CTNNA2: variants seen among roughly 807,000 people sequenced by gnomAD.
CTNNA2 encodes catenin alpha-2.
Under a neutral mutation model 101.0 loss-of-function variants are expected in CTNNA2, and 42 were observed. The ratio of observed to expected loss-of-function variants is 0.42; its 90% CI spans 0.32 to 0.54. The LOEUF is 0.54. CTNNA2 is among the 20% of genes least tolerant of loss of function. CTNNA2 has a pLI of 0.14. For missense variants in CTNNA2, 871 were observed against 1,223.1 expected (o/e 0.71, Z 4.29); for synonymous variants, 450 against 456.4 (o/e 0.99, Z 0.18).
intron 2 of CTNNA2, among the ~76,000 whole-genome samples, chr2:79,665,338 CATGT>C (rs1430238980): frequency 1.3e-5 from 2 of 152,152 alleles, no homozygotes; most frequent in African/African-American, 2.4e-5. Flanking sequence ...TTGAAATGTG[CATGT>C]ATGTGCATGT....
intron 7 of CTNNA2, among the ~76,000 whole-genome samples, chr2:80,349,799 A>C (rs896851728): frequency 6.6e-6 from 1 of 152,092 alleles, no homozygotes; most frequent in African/African-American, 2.4e-5. Flanking sequence ...GCATTCAGGC[A>C]TGAGCCACCA....
At chr2:80,400,712 C>T (rs1678472035) in intron 8 of CTNNA2, among the ~76,000 whole-genome samples, 1 of 152,168 alleles carries the variant, frequency 6.6e-6, no homozygotes, top group Non-Finnish European at 1.5e-5. Context: ...TTCCTTAAAT[C>T]TCCGTCAGTC....
chr2:79,629,097 T>G (rs550430979), intron 1 of CTNNA2, among the ~76,000 whole-genome samples: 25 of 152,296 alleles, frequency 1.6e-4, no homozygotes, highest in African/African-American at 5.8e-4. Context: ...TTCCGTCCCT[T>G]CCCCTTATTG....
intron 7 of CTNNA2, among the ~76,000 whole-genome samples, chr2:80,239,911 T>A (rs1394084652): frequency 7.5e-6 from 1 of 133,982 alleles, no homozygotes; most frequent in East Asian, 2.0e-4. Flanking sequence ...AGACTCCATC[T>A]CAAAAAAAAA....
intron 4 of CTNNA2, among the ~76,000 whole-genome samples, chr2:79,477,492 C>T (rs1351280216): frequency 6.6e-6 from 1 of 152,100 alleles, no homozygotes; most frequent in African/African-American, 2.4e-5. Flanking sequence ...CTCTAACTCC[C>T]TTCTTTACCT....
intron 8 of CTNNA2, among the ~76,000 whole-genome samples, chr2:80,407,240 T>C (rs1363588279): frequency 6.6e-6 from 1 of 152,208 alleles, no homozygotes; most frequent in Non-Finnish European, 1.5e-5. Flanking sequence ...TGGGGGCTCT[T>C]AGAGGCCACA....
chr2:80,404,661 G>A (rs746244323), intron 8 of CTNNA2, among the ~76,000 whole-genome samples: 15 of 152,270 alleles, frequency 9.9e-5, no homozygotes, highest in South Asian at 2.1e-4. Context: ...TTCAGAAATC[G>A]TGGGTTCGTA....
intron 7 of CTNNA2, among the ~76,000 whole-genome samples, chr2:80,139,310 G>T (rs1363053188): frequency 6.6e-6 from 1 of 152,094 alleles, no homozygotes; most frequent in Non-Finnish European, 1.5e-5. Context: ...GCCACCTGAT[G>T]AAAAATGACC....
intron 7 of CTNNA2, among the ~76,000 whole-genome samples, chr2:80,381,472 A>C (rs1397448953): frequency 6.6e-6 from 1 of 152,136 alleles, no homozygotes; most frequent in Non-Finnish European, 1.5e-5. Flanking sequence ...CAGTGCTGGC[A>C]TTTTGGAGGG....
At chr2:79,276,853 G>T (rs762220354) in intron 2 of CTNNA2, among the ~76,000 whole-genome samples, 1 of 152,022 alleles carries the variant, frequency 6.6e-6, no homozygotes, top group South Asian at 2.1e-4. Context: ...GATAAGAAAG[G>T]TTTTCCATTT....
intron 4 of CTNNA2, among the ~76,000 whole-genome samples, chr2:79,494,858 T>C (rs150540796): frequency 0.01 from 1,579 of 152,046 alleles, 22 homozygotes; most frequent in South Asian, 0.064. Context: ...CGTCTGTAAT[T>C]CCAGCACTTT....
At chr2:79,417,724 T>C (rs1266334471) in intron 4 of CTNNA2, among the ~76,000 whole-genome samples, 1 of 152,116 alleles carries the variant, frequency 6.6e-6, no homozygotes, top group Non-Finnish European at 1.5e-5. Flanking sequence ...AATTATTTCA[T>C]AAGTGTGGAT....
intron 3 of CTNNA2, among the ~76,000 whole-genome samples, chr2:79,796,796 T>C (rs1196263246): frequency 6.6e-6 from 1 of 152,200 alleles, no homozygotes; most frequent in Non-Finnish European, 1.5e-5. Context: ...TGCAGATTTT[T>C]CCCTGTCCAT....
chr2:80,511,851 G>A (rs1012996252), intron 9 of CTNNA2, among the ~76,000 whole-genome samples: 9 of 151,938 alleles, frequency 5.9e-5, no homozygotes, highest in African/African-American at 1.9e-4. Context: ...AAATCACTTC[G>A]TTAAAAGTAT....
chr2:79,427,064 G>A (rs1412175844), intron 4 of CTNNA2, among the ~76,000 whole-genome samples: 3 of 151,926 alleles, frequency 2.0e-5, no homozygotes, highest in Admixed American at 2.0e-4. Context: ...TCCAAGAAAA[G>A]CACAGTCATG....
rs149105397 is a variant in CTNNA2, at chr2:79,813,716, G to T, written c.299-44297G>T. Among the ~76,000 whole-genome samples, 297 of 152,252 alleles carry T rather than the reference G, an allele frequency of 2.0e-3. 1 individual carries two copies. The highest frequency in any genetic ancestry group is 6.9e-3 in the African/African-American group (286 of 41,548). On this transcript the variant is annotated intron_variant, in intron 3 of 18. Coordinates refer to ENST00000402739, the MANE Select transcript of CTNNA2 (RefSeq NM_001282597.3). ...ATAGGACCCTCAGAAGAGAGTTCAA[G>T]AGTTTCAAGTTCTTTCGAGAATCTG...
intron 1 of CTNNA2, among the ~76,000 whole-genome samples, chr2:79,638,229 G>A (rs1680211594): frequency 6.6e-6 from 1 of 152,126 alleles, no homozygotes; most frequent in Admixed American, 6.5e-5. Context: ...AAAATTAACA[G>A]GCCTCATTTG....
rs143942747 is a variant in CTNNA2, at chr2:80,335,162, C to A, written c.1057-58049C>A. On this transcript the variant is annotated intron_variant, in intron 7 of 18. Transcript: ENST00000402739. Reference sequence around the variant, plus strand: ...ATATTGTAGACAGGGAGAAAACTTTCATTAGAGCCCGTCCTCTTTTCCCAC... The same window carrying A: ...ATATTGTAGACAGGGAGAAAACTTTAATTAGAGCCCGTCCTCTTTTCCCAC... 7.2e-3 allele frequency among the ~76,000 whole-genome samples: 1,102 copies of A among 152,290 alleles called. 17 individuals carry two copies. The highest frequency in any genetic ancestry group is 0.025 in the African/African-American group (1,047 of 41,540).
intron 2 of CTNNA2, among the ~76,000 whole-genome samples, chr2:79,739,262 G>A (rs535441900): frequency 6.6e-6 from 1 of 152,156 alleles, no homozygotes; most frequent in Admixed American, 6.5e-5. Flanking sequence ...TGAAACATTT[G>A]TTTTGAGACA....
Sources: allele counts gnomAD v4.1 joint callset (sites outside exome capture counted in the v4.1 genomes callset), GRCh38; gene constraint gnomAD v4.1.1; transcripts MANE v1.5; gene names NCBI Gene and HGNC (gene_info 2026-07-23, HGNC 2026-07-21).